The following IL1RAPL1 variants were observed in gnomAD, a reference collection of about 807,000 sequenced individuals.
IL1RAPL1 encodes the protein interleukin 1 receptor accessory protein like 1.
A neutral mutation model predicts 48.4 loss-of-function variants in IL1RAPL1; 3 were observed. The ratio of observed to expected loss-of-function variants is 0.06; its 90% confidence interval spans 0.03 to 0.16. IL1RAPL1 has a LOEUF of 0.16. IL1RAPL1 is among the 10% of genes least tolerant of loss of function. IL1RAPL1 has a pLI of 1.00. For synonymous variants in IL1RAPL1, 185 were observed against 187.7 expected (o/e 0.99, Z 0.12); for missense variants, 349 against 530.6 (o/e 0.66, Z 3.36).
intron 3 of IL1RAPL1, among the ~76,000 whole-genome samples, chrX:29,349,799 C>G (rs1047772930): frequency 9.1e-6 from 1 of 110,081 alleles, no homozygotes; most frequent in Admixed American, 9.8e-5. Flanking sequence ...CTTCCAGTAA[C>G]GCAGGGAGTG....
chrX:29,319,148 G>GTCTATCTA (rs199588512), intron 3 of IL1RAPL1, among the ~76,000 whole-genome samples: 8,861 of 80,590 alleles, frequency 0.11, 775 homozygotes, highest in African/African-American at 0.22. Flanking sequence ...TATGATATCT[G>GTCTATCTA]TCTATCTGTC....
At chrX:28,861,529 C>G (rs1226799857) in intron 2 of IL1RAPL1, among the ~76,000 whole-genome samples, 2 of 111,966 alleles carry the variant, frequency 1.8e-5, no homozygotes, top group African/African-American at 6.5e-5. Flanking sequence ...GCTAGAAGAA[C>G]ACTTCGGTTT....
chrX:29,065,339 G>A (rs1927431774), intron 2 of IL1RAPL1, among the ~76,000 whole-genome samples: 1 of 111,320 alleles, frequency 9.0e-6, no homozygotes, highest in Admixed American at 9.6e-5. Context: ...CTTTGAGTAT[G>A]CTATCCCACT....
At chrX:28,733,838 A>G (rs1601879168) in intron 1 of IL1RAPL1, among the ~76,000 whole-genome samples, 1 of 111,323 alleles carries the variant, frequency 9.0e-6, no homozygotes, top group Middle Eastern at 4.6e-3. Context: ...CGTACATCTA[A>G]CTCCTTACTC....
chrX:29,926,490 TTAAC>T (rs1223344814), intron 8 of IL1RAPL1, among the ~76,000 whole-genome samples: 1 of 112,366 alleles, frequency 8.9e-6, no homozygotes, highest in Non-Finnish European at 1.9e-5. Context: ...ACTTGTTTTC[TTAAC>T]TAAATGTTCA....
rs373086884 is a variant in IL1RAPL1 at position 28,709,697 on chromosome X, C to T, written c.-24-79623C>T. 2.2e-4 allele frequency among the ~76,000 whole-genome samples: 24 copies of T among 110,444 alleles called. No homozygotes were observed. In the East Asian group the frequency reaches 4.6e-3, roughly 21 times the overall value. ...GTGGAAATTAAAATGGCACAATATG[C>T]GTGTATATGTGGGTGGAAGAATGAG... On this transcript the variant is annotated intron_variant, in intron 1 of 10. Transcript: ENST00000378993.
chrX:29,360,265 A>G (rs1268184726), intron 3 of IL1RAPL1, among the ~76,000 whole-genome samples: 3 of 112,040 alleles, frequency 2.7e-5, no homozygotes, highest in Non-Finnish European at 5.6e-5. Flanking sequence ...TCAGGCAGCT[A>G]ATAAATGGTG....
chrX:28,634,595 C>A (rs748144238), intron 1 of IL1RAPL1, among the ~76,000 whole-genome samples: 1 of 109,589 alleles, frequency 9.1e-6, no homozygotes, highest in African/African-American at 3.3e-5. Flanking sequence ...AGAGTTGATG[C>A]TTAATAAGTA....
At chrX:29,871,169 C>T (rs927129290) in intron 6 of IL1RAPL1, among the ~76,000 whole-genome samples, 6 of 112,003 alleles carry the variant, frequency 5.4e-5, no homozygotes, top group African/African-American at 1.9e-4. Context: ...CATGCTGTAT[C>T]TCTGATCACA....
At chrX:29,941,862 AG>A in intron 9 of IL1RAPL1, 68 bp downstream of exon 9, 1 of 1,037,638 alleles carries the variant, frequency 9.6e-7, no homozygotes, top group South Asian at 1.9e-5. Context: ...TGTTTTATTA[AG>A]GGGAAAAAAA....
At chrX:29,459,412 A>T (rs937112568) in intron 5 of IL1RAPL1, among the ~76,000 whole-genome samples, 1 of 111,593 alleles carries the variant, frequency 9.0e-6, no homozygotes, top group Non-Finnish European at 1.9e-5. Flanking sequence ...TAGACCATTA[A>T]ATAGTTTATA....
At chrX:28,684,771 G>C (rs1935094422) in intron 1 of IL1RAPL1, among the ~76,000 whole-genome samples, 2 of 111,606 alleles carry the variant, frequency 1.8e-5, no homozygotes, top group Non-Finnish European at 3.8e-5. Flanking sequence ...GCATTTCATA[G>C]GGCTTTAGTA....
rs61703733 is a variant in IL1RAPL1 at position 29,480,291 on chromosome X, C to CATATATATATATATATATATATAT, written c.703+80986_703+81009dup. On this transcript the variant is annotated intron_variant, in intron 5 of 10. Transcript: ENST00000378993. Reference sequence around the variant, plus strand: ...TGATATATGTATACACACACATATACATATATATATATATATATATATATA... The same window carrying CATATATATATATATATATATATAT: ...TGATATATGTATACACACACATATACATATATATATATATATATATATATATATATATATATATATATATATATA... Among the ~76,000 whole-genome samples the CATATATATATATATATATATATAT allele has an allele frequency of 3.8e-4, 29 of 76,558 alleles. 1 individual carries two copies. Among genetic ancestry groups the CATATATATATATATATATATATAT allele is most frequent in the African/African-American group, 1.5e-3 (24 of 16,442 alleles). The allele number at this position is 76,558 out of a possible 115,157, so 66.5% of individuals were successfully genotyped here. A position where few individuals can be genotyped will look rare whatever the true frequency, so the allele number is the denominator to read the frequency against.
intron 5 of IL1RAPL1, among the ~76,000 whole-genome samples, chrX:29,432,025 A>C (rs907854313): frequency 1.1e-4 from 12 of 111,668 alleles, no homozygotes; most frequent in African/African-American, 3.9e-4. Flanking sequence ...TCACTGTGGA[A>C]CATTGCATTA....
At chrX:29,246,317 C>G (rs1364427607) in intron 2 of IL1RAPL1, among the ~76,000 whole-genome samples, 1 of 110,056 alleles carries the variant, frequency 9.1e-6, no homozygotes, top group Non-Finnish European at 1.9e-5. Flanking sequence ...TTGATGCCCA[C>G]TAACAGTGGA....
chrX:29,087,774 C>A (rs1284761384), intron 2 of IL1RAPL1, among the ~76,000 whole-genome samples: 2 of 112,473 alleles, frequency 1.8e-5, no homozygotes, highest in East Asian at 5.6e-4. Context: ...TGGCTCACAC[C>A]TGTAATCCTA....
At chrX:28,905,239 A>G (rs1923187221) in intron 2 of IL1RAPL1, among the ~76,000 whole-genome samples, 1 of 111,385 alleles carries the variant, frequency 9.0e-6, no homozygotes, top group Non-Finnish European at 1.9e-5. Context: ...TATTATTTTC[A>G]GGTTTTTGGA....
intron 5 of IL1RAPL1, among the ~76,000 whole-genome samples, chrX:29,418,658 A>T (rs1451097781): frequency 8.9e-6 from 1 of 111,795 alleles, no homozygotes; most frequent in African/African-American, 3.2e-5. Context: ...GAAGTAGAAG[A>T]TATATGAAAA....
At chrX:28,754,943 A>G (rs746833304) in intron 1 of IL1RAPL1, among the ~76,000 whole-genome samples, 115 of 112,361 alleles carry the variant, frequency 1.0e-3, no homozygotes, top group Non-Finnish European at 1.7e-3. Flanking sequence ...TCCAGTGCAA[A>G]GCATAGATTA....
Sources: gnomAD v4.1 joint callset for allele counts (sites outside exome capture counted in the v4.1 genomes callset) on GRCh38, gnomAD v4.1.1 for gene constraint, MANE v1.5 for transcripts, NCBI Gene and HGNC (gene_info 2026-07-23, HGNC 2026-07-21) for gene names.